The following SETX variants were observed in gnomAD, a reference collection of about 807,000 sequenced individuals.
SETX encodes senataxin.
In SETX, 90 loss-of-function variants were observed where a neutral mutation model predicts 227.2. The observed-to-expected ratio is 0.40, with a 90% CI of 0.33 to 0.47. The LOEUF is 0.47. Ranked by LOEUF, SETX falls within the 20% of genes least tolerant of loss-of-function variation. The pLI is 0.91. For missense variants in SETX, 3,052 were observed against 3,181.5 expected, an observed-to-expected ratio of 0.96 and a Z score of 0.98; for synonymous variants, 1,210 against 1,113.2, an observed-to-expected ratio of 1.09 and a Z score of -1.73.
chr9:132,271,656 T>C, intron 24 of SETX, 54 bp downstream of exon 24: 1 of 1,429,594 alleles, frequency 7.0e-7, no homozygotes, highest in Non-Finnish European at 9.9e-7. Flanking sequence ...TCCTGAACTA[T>C]AAACAAGCAA....
intron 10 of SETX, among the ~76,000 whole-genome samples, chr9:132,315,512 T>A (rs1399291788): frequency 6.6e-6 from 1 of 152,196 alleles, no homozygotes; most frequent in Non-Finnish European, 1.5e-5. Flanking sequence ...CCCATCAGCA[T>A]ACACACTGAA....
chr9:132,304,456 C>A (rs1292245456), intron 11 of SETX, among the ~76,000 whole-genome samples: 1 of 151,456 alleles, frequency 6.6e-6, no homozygotes, highest in Non-Finnish European at 1.5e-5. Flanking sequence ...TAAACCATCT[C>A]ATTACCTCAG....
chr9:132,336,548 A>G, intron 5 of SETX, 33 bp from the exon 6 acceptor site: 1 of 1,449,258 alleles, frequency 6.9e-7, no homozygotes. Flanking sequence ...ACTTAATTCA[A>G]TAAACAATGG....
At chr9:132,309,819 T>C (rs1845548028) in intron 11 of SETX, among the ~76,000 whole-genome samples, 1 of 151,742 alleles carries the variant, frequency 6.6e-6, no homozygotes, top group African/African-American at 2.4e-5. Flanking sequence ...GATCCATGGG[T>C]GATGGGGGTG....
intron 11 of SETX, among the ~76,000 whole-genome samples, chr9:132,310,871 A>C (rs755042859): frequency 1.3e-5 from 2 of 152,202 alleles, no homozygotes; most frequent in Non-Finnish European, 2.9e-5. Flanking sequence ...ATGAATAAAT[A>C]TATCTTCTCT....
At chr9:132,291,472 T>C (rs960713234) in intron 15 of SETX, among the ~76,000 whole-genome samples, 2 of 152,058 alleles carry the variant, frequency 1.3e-5, no homozygotes, top group African/African-American at 4.8e-5. Context: ...GGCCTGAAAA[T>C]TTCTTAATTC....
intron 7 of SETX, among the ~76,000 whole-genome samples, chr9:132,333,290 A>T (rs1434004246): frequency 6.6e-6 from 1 of 150,828 alleles, no homozygotes; most frequent in Non-Finnish European, 1.5e-5. Flanking sequence ...AAGGCAGGAG[A>T]ATCGCTTGAA....
At chr9:132,338,715 TCATC>T (rs1458111400) in intron 5 of SETX, among the ~76,000 whole-genome samples, 1 of 152,202 alleles carries the variant, frequency 6.6e-6, no homozygotes, top group Non-Finnish European at 1.5e-5. Context: ...GTTCAGATCT[TCATC>T]CATATTTTTT....
chr9:132,333,408 A>ATATATAT (rs1461021497), intron 7 of SETX, among the ~76,000 whole-genome samples: 14 of 72,208 alleles, frequency 1.9e-4, no homozygotes, highest in African/African-American at 4.8e-4. Context: ...GAAAAAAAAA[A>ATATATAT]ATATATATAC....
At chr9:132,321,247 C>T (rs915390822) in intron 10 of SETX, among the ~76,000 whole-genome samples, 8 of 152,128 alleles carry the variant, frequency 5.3e-5, no homozygotes, top group African/African-American at 1.9e-4. Flanking sequence ...AGGCCGGGCG[C>T]GGTGGCTCAC....
At chr9:132,314,280 C>CA (rs1279120722) in intron 10 of SETX, among the ~76,000 whole-genome samples, 21 of 152,148 alleles carry the variant, frequency 1.4e-4, no homozygotes, top group Non-Finnish European at 5.9e-5. Flanking sequence ...TTAGTAGAGA[C>CA]AGAGTTTCTC....
chr9:132,297,834 G>A (rs1230896394), intron 13 of SETX, among the ~76,000 whole-genome samples: 1 of 152,120 alleles, frequency 6.6e-6, no homozygotes, highest in Non-Finnish European at 1.5e-5. Context: ...CATTAAGTAG[G>A]CTGCTGACCT....
chr9:132,291,633 C>CAG (rs1158476963), intron 15 of SETX, among the ~76,000 whole-genome samples: 1 of 152,208 alleles, frequency 6.6e-6, no homozygotes, highest in African/African-American at 2.4e-5. Flanking sequence ...AGGCCAAAAA[C>CAG]AGAGAGAGAG....
intron 18 of SETX, among the ~76,000 whole-genome samples, chr9:132,285,657 G>A (rs1014368842): frequency 1.3e-5 from 2 of 151,902 alleles, no homozygotes; most frequent in African/African-American, 2.4e-5. Context: ...CGAGGTGGGC[G>A]GATCACAACG....
intron 5 of SETX, among the ~76,000 whole-genome samples, chr9:132,337,678 A>C (rs1015417644): frequency 1.3e-5 from 2 of 152,218 alleles, no homozygotes; most frequent in African/African-American, 2.4e-5. Flanking sequence ...CTTACTGATA[A>C]TAAGTGGTAG....
chr9:132,354,417 G>T (rs1237952994), intron 1 of SETX, among the ~76,000 whole-genome samples: 1 of 149,384 alleles, frequency 6.7e-6, no homozygotes, highest in Non-Finnish European at 1.5e-5. Flanking sequence ...GATCGCTGGA[G>T]CCCAGGAAGA....
Position 132,278,437 on chromosome 9 carries a change from C to CTTTTTTT in SETX, c.6655-187_6655-181dup, listed in dbSNP as rs67558000. Among the ~76,000 whole-genome samples the CTTTTTTT allele has an allele frequency of 2.7e-4, 23 of 84,862 alleles. 2 individuals are homozygous for CTTTTTTT. Among genetic ancestry groups the CTTTTTTT allele is most frequent in the East Asian group, 5.5e-4 (2 of 3,668 alleles). The allele number at this position is 84,862 out of a possible 152,430, so 55.7% of individuals were successfully genotyped here. A position where few individuals can be genotyped will look rare whatever the true frequency, so the allele number is the denominator to read the frequency against. Reference sequence around the variant, plus strand: ...CTCTGAGCCTCAAAATGCCATGAATCTTTTTTTTTTTTTTTTTTTTTTTTT... The same window carrying CTTTTTTT: ...CTCTGAGCCTCAAAATGCCATGAATCTTTTTTTTTTTTTTTTTTTTTTTTTTTTTTTT... On this transcript the variant is annotated intron_variant, in intron 20 of 25. Transcript: ENST00000224140.
chr9:132,333,593 G>C (rs1847405607), intron 7 of SETX, among the ~76,000 whole-genome samples: 1 of 151,738 alleles, frequency 6.6e-6, no homozygotes, highest in South Asian at 2.1e-4. Context: ...CATAGGATCT[G>C]GTATACTTGG....
Position 132,329,200 on chromosome 9 carries a change from T to G in SETX, c.2398A>C (p.Arg800=). 1 of 1,613,788 alleles carries G rather than the reference T, an allele frequency of 6.2e-7. No homozygotes were observed. ...KLSHVIKKQH[R]KSTLVDNTIN... ...GTATTATCGACCAAAGTACTCTTCC[T>G]GTGTTGCTTCTTTATTACATGTGAT... is the stretch of plus-strand genomic sequence containing the variant. The change falls in exon 10 of 26, where the codon AGG becomes CGG. Residue 800 remains arginine, a synonymous_variant. Coordinates refer to ENST00000224140, the MANE Select transcript of SETX (RefSeq NM_015046.7).
Sources: gnomAD v4.1 joint callset for allele counts (sites outside exome capture counted in the v4.1 genomes callset) on GRCh38, gnomAD v4.1.1 for gene constraint, MANE v1.5 for transcripts, NCBI Gene and HGNC (gene_info 2026-07-23, HGNC 2026-07-21) for gene names.